The following CHODL variants were observed in gnomAD, a reference collection of about 807,000 sequenced individuals.
The protein encoded by CHODL is transmembrane protein MT75.
A neutral mutation model predicts 34.5 loss-of-function variants in CHODL; 29 were observed. The ratio of observed to expected loss-of-function variants is 0.84; its 90% CI spans 0.63 to 1.15. CHODL has a LOEUF of 1.15. CHODL is among the 50% of genes most tolerant of loss of function. The pLI, the probability that CHODL is intolerant of heterozygous loss-of-function variation, is 0.00. For synonymous variants in CHODL, 125 were observed against 116.1 expected (o/e 1.08, Z -0.49); for missense variants, 332 against 332.5 (o/e 1.00, Z 0.01).
intron 2 of CHODL, among the ~76,000 whole-genome samples, chr21:18,149,585 C>T (rs954963890): frequency 6.6e-6 from 1 of 152,192 alleles, no homozygotes; most frequent in African/African-American, 2.4e-5. Flanking sequence ...TCTAAATAGG[C>T]AAGAGGAGTC....
intron 1 of CHODL, among the ~76,000 whole-genome samples, chr21:17,970,445 T>C (rs956411123): frequency 6.6e-6 from 1 of 152,216 alleles, no homozygotes; most frequent in Non-Finnish European, 1.5e-5. Context: ...ACCATTCATT[T>C]CATGAATGAT....
chr21:18,106,980 CTTTT>C (rs775459720), intron 2 of CHODL, among the ~76,000 whole-genome samples: 2 of 152,130 alleles, frequency 1.3e-5, no homozygotes, highest in Non-Finnish European at 2.9e-5. Flanking sequence ...AGAATCTGTC[CTTTT>C]ATTTCCTGCC....
At chr21:18,226,463 G>A (rs2073931930) in intron 2 of CHODL, among the ~76,000 whole-genome samples, 3 of 152,148 alleles carry the variant, frequency 2.0e-5, no homozygotes, top group South Asian at 4.1e-4. Context: ...ACCATGCCCA[G>A]CCAATTTTTC....
chr21:18,009,066 T>C (rs1437839866), intron 1 of CHODL, among the ~76,000 whole-genome samples: 2 of 152,212 alleles, frequency 1.3e-5, no homozygotes, highest in East Asian at 3.9e-4. Flanking sequence ...ATATGGTACA[T>C]TGATTTTCTA....
chr21:18,145,930 C>T (rs2824654), intron 2 of CHODL, among the ~76,000 whole-genome samples: 91,003 of 152,040 alleles, frequency 0.6, 29,775 homozygotes, highest in Non-Finnish European at 0.75. Flanking sequence ...ATCCTCTGCA[C>T]ATCAGGAAAA....
intron 2 of CHODL, among the ~76,000 whole-genome samples, chr21:18,174,881 A>G (rs924207719): frequency 6.6e-6 from 1 of 152,248 alleles, no homozygotes; most frequent in Admixed American, 6.5e-5. Context: ...GCAAATTCTT[A>G]GAGTAAATCA....
chr21:18,222,591 C>T (rs1188223357), intron 2 of CHODL, among the ~76,000 whole-genome samples: 1 of 152,034 alleles, frequency 6.6e-6, no homozygotes, highest in African/African-American at 2.4e-5. Context: ...CTGCTGAAGA[C>T]CTCTTACTGA....
intron 1 of CHODL, among the ~76,000 whole-genome samples, chr21:17,942,705 A>T (rs2063375576): frequency 6.6e-6 from 1 of 152,230 alleles, no homozygotes; most frequent in Non-Finnish European, 1.5e-5. Context: ...CCATGTGGGT[A>T]AGCAATGGTT....
chr21:18,077,941 A>C (rs923454138), intron 2 of CHODL, among the ~76,000 whole-genome samples: 3 of 152,170 alleles, frequency 2.0e-5, no homozygotes, highest in African/African-American at 7.2e-5. Context: ...TGTTATGTAC[A>C]ATGGCCTTGA....
chr21:17,944,215 A>G (rs186333061), intron 1 of CHODL, among the ~76,000 whole-genome samples: 2 of 152,292 alleles, frequency 1.3e-5, no homozygotes, highest in Admixed American at 1.3e-4. Context: ...GCAACTCTGC[A>G]TAGCCAAAAA....
intron 1 of CHODL, among the ~76,000 whole-genome samples, chr21:17,950,497 A>AACACACACACACACACACAC (rs200120318): frequency 6.1e-5 from 8 of 130,276 alleles, no homozygotes; most frequent in African/African-American, 2.4e-4. Context: ...CTAGATACAC[A>AACACACACACACACACACAC]ACACACACAC....
intron 2 of CHODL, among the ~76,000 whole-genome samples, chr21:18,176,567 G>A (rs1045008417): frequency 6.6e-6 from 1 of 152,114 alleles, no homozygotes; most frequent in Admixed American, 6.5e-5. Context: ...TCAGAGTAGC[G>A]AAGTTTTGTT....
chr21:18,108,234 G>A (rs1001011138), intron 2 of CHODL, among the ~76,000 whole-genome samples: 3 of 151,812 alleles, frequency 2.0e-5, no homozygotes, highest in Non-Finnish European at 4.4e-5. Context: ...GGTCACGGTT[G>A]CATATTTAGG....
At chr21:18,059,961 C>T (rs169610) in intron 2 of CHODL, among the ~76,000 whole-genome samples, 60,200 of 151,900 alleles carry the variant, frequency 0.4, 12,730 homozygotes, top group East Asian at 0.81. Context: ...CCCCACATTC[C>T]GTTCATTATT....
intron 1 of CHODL, among the ~76,000 whole-genome samples, chr21:17,971,577 GTTGT>G (rs745361107): frequency 5.9e-5 from 9 of 151,950 alleles, no homozygotes; most frequent in African/African-American, 1.2e-4. Context: ...TTTTTGATGG[GTTGT>G]TTGTTTTTTT....
intron 2 of CHODL, among the ~76,000 whole-genome samples, chr21:18,082,006 A>C (rs2064948119): frequency 6.6e-6 from 1 of 152,158 alleles, no homozygotes; most frequent in Non-Finnish European, 1.5e-5. Flanking sequence ...AATAAATCCC[A>C]CCTGATCCTG....
At chr21:18,075,876 G>A (rs2064858673) in intron 2 of CHODL, among the ~76,000 whole-genome samples, 1 of 152,152 alleles carries the variant, frequency 6.6e-6, no homozygotes, top group Non-Finnish European at 1.5e-5. Flanking sequence ...AGTAGGATTA[G>A]TGCCTTTATA....
chr21:18,081,161 C>T (rs1239392054), intron 2 of CHODL, among the ~76,000 whole-genome samples: 1 of 152,056 alleles, frequency 6.6e-6, no homozygotes, highest in Non-Finnish European at 1.5e-5. Flanking sequence ...TATAGAAATG[C>T]CACTGATTTC....
intron 1 of CHODL, among the ~76,000 whole-genome samples, chr21:17,950,615 A>G (rs2063449246): frequency 1.3e-5 from 2 of 152,096 alleles, no homozygotes; most frequent in South Asian, 2.1e-4. Context: ...TTATGTTCCA[A>G]TGTCAGGTAG....
Sources: allele counts gnomAD v4.1 joint callset (sites outside exome capture counted in the v4.1 genomes callset), GRCh38; gene constraint gnomAD v4.1.1; transcripts MANE v1.5; gene names NCBI Gene and HGNC (gene_info 2026-07-23, HGNC 2026-07-21).